Variants in SLC26A1 observed in about 807,000 individuals in gnomAD.
The protein encoded by SLC26A1 is sulfate anion transporter 1.
In SLC26A1, 18 loss-of-function variants were observed where a neutral mutation model predicts 14.5. The observed-to-expected ratio is 1.24, with a 90% CI of 0.86 to 1.84. SLC26A1 has a LOEUF of 1.84. SLC26A1 is among the 40% of genes most tolerant of loss of function. SLC26A1 has a pLI of 0.00. For missense variants in SLC26A1, 1,049 were observed against 1,020.0 expected (o/e 1.03, Z -0.39); for synonymous variants, 505 against 492.0 (o/e 1.03, Z -0.35).
At chr4:979,856 C>T (rs1713486027) in intron 2 of SLC26A1, among the ~76,000 whole-genome samples, 1 of 152,238 alleles carries the variant, frequency 6.6e-6, no homozygotes, top group South Asian at 2.1e-4. Context: ...GCTACTGGCC[C>T]CTTCTAGCTT....
chr4:991,791 T>C, intron 1 of SLC26A1, 61 bp from the exon 2 acceptor site: 1 of 1,530,792 alleles, frequency 6.5e-7, no homozygotes, highest in Non-Finnish European at 8.7e-7. Flanking sequence ...AACGACAAGG[T>C]CCCCGGCAGC....
chr4:979,587 C>A, intron 2 of SLC26A1: 1 of 1,556,898 alleles, frequency 6.4e-7, no homozygotes, highest in Non-Finnish European at 8.8e-7. Flanking sequence ...CCTGCCGGGC[C>A]CCAAAGTGCC....
At position 979,272 on chromosome 4, in the gene SLC26A1, T is replaced by C. The variant is rs2153013520; in HGVS notation, c.*134A>G. ...TCTCTCCTCTGCAGGCTGGCCAGGT[T>C]GAGGGGCTGCCTTTTTTCCCCAGGT... On this transcript the variant is annotated 3_prime_UTR_variant, in exon 3 of 3. Transcript: ENST00000398520. The C allele has an allele frequency of 4.7e-6, 3 of 633,880 alleles. No homozygotes were observed. In the Admixed American group the frequency reaches 7.4e-5, roughly 16 times the overall value. The allele number at this position is 633,880 out of a possible 1,614,324, so 39.3% of individuals were successfully genotyped here. A position where few individuals can be genotyped will look rare whatever the true frequency, so the allele number is the denominator to read the frequency against.
Position 989,202 on chromosome 4 carries a change from C to T in SLC26A1, c.1737G>A (p.Glu579=). Residue 579 remains glutamate (E), a synonymous_variant, in exon 3 of 3, where the codon GAG becomes GAA. Coordinates refer to ENST00000398516, the MANE Select transcript of SLC26A1 (RefSeq NM_022042.4). ...MAARRKEGGS[E]TGVGEGGPAQ... is the part of the protein sequence containing the mutation. ...CAGGGCCTCCCTCACCGACCCCCGT[C>T]TCTGAGCCCCCCTCCTTCCTCCTGG... 1 of 1,608,490 alleles carries T rather than the reference C, an allele frequency of 6.2e-7. No individual in the cohort carries two copies. The highest frequency in any genetic ancestry group is 8.5e-7 in the Non-Finnish European group (1 of 1,176,946).
exon 3 of SLC26A1, chr4:979,229 A>G (rs1383343625): frequency 1.2e-5 from 7 of 567,772 alleles, no homozygotes; most frequent in Non-Finnish European, 1.9e-5. Flanking sequence ...TGAAATTTGG[A>G]GGACGCTTGC....
At chr4:990,536 C>T (rs570306488) in intron 2 of SLC26A1, 174 bp from the exon 3 acceptor site, 16 of 645,626 alleles carry the variant, frequency 2.5e-5, no homozygotes, top group South Asian at 7.8e-5. Flanking sequence ...TCTGGTTCCA[C>T]GCGTGCTCAT....
intron 1 of SLC26A1, 49 bp from the exon 2 acceptor site, chr4:991,779 C>T (rs762255356): frequency 6.3e-5 from 97 of 1,528,796 alleles, no homozygotes; most frequent in Non-Finnish European, 7.5e-5. Flanking sequence ...GATCCAGGGC[C>T]AAACGACAAG....
rs757152375 is a variant in SLC26A1, at chr4:989,441, T to C, written c.1498A>G (p.Ser500Gly). Residue 500 changes from serine (S) to glycine (G), a missense_variant, in exon 3 of 3, where the codon AGC becomes GGC. Transcript: ENST00000398516. Reference protein sequence around the residue: ...LLAGVILSLLSLAGRTQRPRT... With the variant: ...LLAGVILSLLGLAGRTQRPRT... The stretch of plus-strand genomic sequence containing the variant: ...GGGCGTTGGGTGCGGCCGGCCAGGC[T>C]GAGCAGCGAGAGGATGACGCCAGCC... 4 of 1,554,258 alleles carry C rather than the reference T, an allele frequency of 2.6e-6. No homozygotes were observed. In the South Asian group the frequency reaches 4.7e-5, roughly 18 times the overall value.
downstream of SLC26A1, among the ~76,000 whole-genome samples, chr4:986,636 C>G (rs1483221963): frequency 6.6e-6 from 1 of 152,166 alleles, no homozygotes; most frequent in Non-Finnish European, 1.5e-5. Context: ...CCTGCTAAAG[C>G]GCACGCTTTA....
chr4:986,297 A>C (rs1469407660), downstream of SLC26A1, among the ~76,000 whole-genome samples: 2 of 152,140 alleles, frequency 1.3e-5, no homozygotes, highest in African/African-American at 4.8e-5. Context: ...CATGTACTAC[A>C]GTTGTCCCAT....
Position 989,088 on chromosome 4 carries a change from G to A in SLC26A1, c.1851C>T (p.Ala617=). 2 of 1,599,160 alleles carry A rather than the reference G, an allele frequency of 1.3e-6. No homozygotes were observed. Among genetic ancestry groups the A allele is most frequent in the Non-Finnish European group, 1.7e-6 (2 of 1,173,394 alleles). The stretch of plus-strand genomic sequence containing the variant: ...CGGCTGCGTCTAGGAACAGCAGCGG[G>A]GCGCAGTCGATGACCACTGTGTGGA... ...AGFHTVVIDC[A]PLLFLDAAGV... is the part of the protein sequence containing the mutation. Residue 617 remains alanine (A), a synonymous_variant, in exon 3 of 3, where the codon GCC becomes GCT. Coordinates refer to ENST00000398516, the MANE Select transcript of SLC26A1 (RefSeq NM_022042.4).
downstream of SLC26A1, chr4:987,610 C>A: frequency 4.2e-6 from 6 of 1,436,088 alleles, no homozygotes; most frequent in Non-Finnish European, 5.5e-6. Flanking sequence ...GTTGGCCCCT[C>A]GTCTTACTGC....
chr4:988,469 G>T lies in SLC26A1; in HGVS notation c.*364C>A. On this transcript the variant is annotated 3_prime_UTR_variant, in exon 3 of 3. Coordinates refer to ENST00000398516, the MANE Select transcript of SLC26A1 (RefSeq NM_022042.4). Reference sequence around the variant, plus strand: ...CACCGGGCAGGCCTGGGCATAGGGAGTCCTCTTGGCACCTTGGAGGCTGCA... The same window carrying T: ...CACCGGGCAGGCCTGGGCATAGGGATTCCTCTTGGCACCTTGGAGGCTGCA... 1 of 1,110,708 alleles carries T rather than the reference G, an allele frequency of 9.0e-7. No individual in the cohort carries two copies. Among genetic ancestry groups the T allele is most frequent in the Non-Finnish European group, 1.1e-6 (1 of 908,638 alleles). 68.8% of individuals were successfully genotyped at this position (1,110,708 alleles called of 1,614,324 possible).
intron 2 of SLC26A1, among the ~76,000 whole-genome samples, chr4:980,247 G>T (rs1271542937): frequency 6.6e-6 from 1 of 152,178 alleles, no homozygotes; most frequent in Non-Finnish European, 1.5e-5. Context: ...GCTCTGGAGG[G>T]GTGATCTCTC....
In SLC26A1 at chr4:991,403, T is replaced by C; in HGVS notation, c.301A>G (p.Ser101Gly). ...TTGGCGAAGAAGGACGTATAGAGGC[T>C]GTAGATGGGCTGCAGCCCGGCCAGC... ...SLLAGLQPIY[S>G]LYTSFFANLI... is the part of the protein sequence containing the mutation. The change falls in exon 2 of 3, where the codon AGC becomes GGC. Residue 101 changes from serine to glycine, a missense_variant. Transcript: ENST00000398516. 2.5e-6 allele frequency: 4 copies of C among 1,612,738 alleles called. No individual in the cohort carries two copies. Among genetic ancestry groups the C allele is most frequent in the Non-Finnish European group, 3.4e-6 (4 of 1,179,936 alleles).
rs746171950 is a variant in SLC26A1, at chr4:988,950, G to C, written c.1989C>G (p.Leu663=). Residue 663 remains leucine, a synonymous_variant, in exon 3 of 3, where the codon CTC becomes CTG. Coordinates refer to ENST00000398516, the MANE Select transcript of SLC26A1 (RefSeq NM_022042.4). ...CAGCCGTGTCCCCGGGGCCCTCCCC[G>C]AGGAAGCCTCCTCTGCTCAGAATGT... ...VRDILSRGGF[L]GEGPGDTAEE... The C allele has an allele frequency of 6.3e-7, 1 of 1,596,262 alleles. No individual in the cohort carries two copies. The highest frequency in any genetic ancestry group is 8.5e-7 in the Non-Finnish European group (1 of 1,172,228).
At position 988,838 on chromosome 4, in the gene SLC26A1, G is replaced by C. The variant is rs764346334; in HGVS notation, c.2101C>G (p.Leu701Val). The C allele has an allele frequency of 3.1e-6, 5 of 1,593,948 alleles. No homozygotes were observed. The Admixed American group carries it at 8.5e-5, about 27-fold the overall frequency. Residue 701 changes from leucine to valine, a missense_variant, in exon 3 of 3, where the codon CTG becomes GTG. Transcript: ENST00000398516. ...HRELEATDAH[L>V] is the part of the protein sequence containing the mutation. ...GCTGGGCAGGCCTGGCCCTGCTACAGATGGGCATCGGTGGCCTCCAGCTCC... is the reference window on the plus strand; with the variant it reads ...GCTGGGCAGGCCTGGCCCTGCTACACATGGGCATCGGTGGCCTCCAGCTCC...
At chr4:987,577 GCAGGGC>G (rs943897582), downstream of SLC26A1, 41 of 1,373,856 alleles carry the variant, frequency 3.0e-5, no homozygotes, top group African/African-American at 7.3e-5. Flanking sequence ...CGCCTTCCTG[GCAGGGC>G]CAGGGCCAGG....
At chr4:980,599 A>G (rs945840450) in intron 2 of SLC26A1, among the ~76,000 whole-genome samples, 41 of 152,020 alleles carry the variant, frequency 2.7e-4, no homozygotes, top group African/African-American at 9.7e-4. Context: ...AAAAAAAAAA[A>G]AAAAAGTGCT....
Sources: allele counts gnomAD v4.1 joint callset (sites outside exome capture counted in the v4.1 genomes callset), GRCh38; gene constraint gnomAD v4.1.1; transcripts MANE v1.5; gene names NCBI Gene and HGNC (gene_info 2026-07-23, HGNC 2026-07-21).